The following SLC24A2 variants were observed in gnomAD, a reference collection of about 807,000 sequenced individuals.
SLC24A2 encodes sodium/potassium/calcium exchanger 2.
A neutral mutation model predicts 62.0 loss-of-function variants in SLC24A2; 36 were observed. The ratio of observed to expected loss-of-function variants is 0.58; its 90% confidence interval spans 0.44 to 0.77. SLC24A2 has a LOEUF of 0.77. Among genes scored for constraint, SLC24A2 ranks in the 30% least tolerant of loss-of-function variants. The probability of loss-of-function intolerance (pLI) is 0.00; values close to 1 mark genes in which losing one functional copy is unlikely to be tolerated. For synonymous variants in SLC24A2, 358 were observed against 294.0 expected (o/e 1.22, Z -2.23); for missense variants, 846 against 817.9 (o/e 1.03, Z -0.42).
At chr9:20,296,990 C>A in the SLC24A2 span, among the ~76,000 whole-genome samples, 25,430 of 152,044 alleles carry the variant, frequency 0.17, 2,227 homozygotes, top group South Asian at 0.24. Flanking sequence ...AATGTAAATA[C>A]ATTTATTTTA....
At chr9:19,908,618 T>C in the SLC24A2 span, among the ~76,000 whole-genome samples, 2 of 151,890 alleles carry the variant, frequency 1.3e-5, no homozygotes, top group Non-Finnish European at 2.9e-5. Context: ...GAATCTACAA[T>C]GAACTCAAAC....
the SLC24A2 span, among the ~76,000 whole-genome samples, chr9:19,982,623 C>G: frequency 1.2e-3 from 176 of 152,272 alleles, no homozygotes; most frequent in Non-Finnish European, 2.1e-3. Flanking sequence ...AAAATTAATA[C>G]CAATCATTCT....
the SLC24A2 span, among the ~76,000 whole-genome samples, chr9:20,038,183 C>G: frequency 1.3e-5 from 2 of 152,194 alleles, no homozygotes; most frequent in Non-Finnish European, 2.9e-5. Context: ...AAGTTTCTTG[C>G]ACTTGAATTC....
intron 7 of SLC24A2, among the ~76,000 whole-genome samples, chr9:19,570,367 G>C (rs894500185): frequency 1.3e-5 from 2 of 152,278 alleles, no homozygotes; most frequent in South Asian, 2.1e-4. Flanking sequence ...TCAACACCCA[G>C]CTTGAATGTT....
At chr9:19,769,013 TG>T (rs1822603013) in intron 2 of SLC24A2, among the ~76,000 whole-genome samples, 1 of 152,218 alleles carries the variant, frequency 6.6e-6, no homozygotes, top group South Asian at 2.1e-4. Context: ...TGTCTGAACT[TG>T]TATTTCTAGT....
At chr9:20,154,307 C>CA in the SLC24A2 span, among the ~76,000 whole-genome samples, 1 of 151,782 alleles carries the variant, frequency 6.6e-6, no homozygotes, top group Non-Finnish European at 1.5e-5. Context: ...GGGGAAGTCA[C>CA]ACTGGGTACT....
chr9:20,039,885 T>C, the SLC24A2 span, among the ~76,000 whole-genome samples: 2 of 152,212 alleles, frequency 1.3e-5, no homozygotes, highest in East Asian at 3.9e-4. Flanking sequence ...TAATATTCCT[T>C]CATTTATTCA....
chr9:20,083,600 G>C, the SLC24A2 span, among the ~76,000 whole-genome samples: 5 of 152,316 alleles, frequency 3.3e-5, no homozygotes, highest in South Asian at 1.0e-3. Flanking sequence ...CCAGTGTCTG[G>C]AAATCATTTT....
chr9:19,607,923 G>A (rs1395897515), intron 4 of SLC24A2, among the ~76,000 whole-genome samples: 1 of 152,082 alleles, frequency 6.6e-6, no homozygotes, highest in African/African-American at 2.4e-5. Context: ...GAGAGATTCA[G>A]TTTCAACCAT....
the SLC24A2 span, among the ~76,000 whole-genome samples, chr9:20,031,273 G>A: frequency 1.2e-4 from 18 of 148,118 alleles, no homozygotes; most frequent in Non-Finnish European, 8.9e-5. Flanking sequence ...GTGTGTGTGC[G>A]CATATATATA....
At chr9:20,042,339 T>C in the SLC24A2 span, among the ~76,000 whole-genome samples, 1 of 152,170 alleles carries the variant, frequency 6.6e-6, no homozygotes, top group African/African-American at 2.4e-5. Context: ...CCTGAGGAAC[T>C]CTGGAATATC....
chr9:19,969,595 T>G, the SLC24A2 span, among the ~76,000 whole-genome samples: 1 of 152,172 alleles, frequency 6.6e-6, no homozygotes, highest in African/African-American at 2.4e-5. Context: ...CTACTTCCAG[T>G]GCCTCTTTTT....
chr9:19,638,970 A>G (rs1051461149), intron 2 of SLC24A2, among the ~76,000 whole-genome samples: 3 of 152,256 alleles, frequency 2.0e-5, no homozygotes, highest in African/African-American at 7.2e-5. Flanking sequence ...GCTTAAGGCC[A>G]AGAATTTCAG....
chr9:19,669,443 C>T (rs1168957532), intron 2 of SLC24A2, among the ~76,000 whole-genome samples: 1 of 152,180 alleles, frequency 6.6e-6, no homozygotes, highest in East Asian at 1.9e-4. Flanking sequence ...CAGATATTAG[C>T]TTTTTAAAAT....
chr9:20,234,458 A>C, the SLC24A2 span, among the ~76,000 whole-genome samples: 2 of 151,930 alleles, frequency 1.3e-5, no homozygotes, highest in Admixed American at 1.3e-4. Context: ...CCTTCTCTTC[A>C]CACTTCATTT....
chr9:19,852,956 C>G, the SLC24A2 span, among the ~76,000 whole-genome samples: 2 of 151,924 alleles, frequency 1.3e-5, no homozygotes, highest in Non-Finnish European at 2.9e-5. Context: ...GAGCATGGAG[C>G]GTTTTTCCAT....
At chr9:19,792,845 T>C (rs541014140), upstream of SLC24A2, among the ~76,000 whole-genome samples, 174 of 152,380 alleles carry the variant, frequency 1.1e-3, 1 homozygote, top group African/African-American at 4.0e-3. Context: ...TTCTGACTTA[T>C]TAAAATCTCT....
chr9:19,842,135 C>T, the SLC24A2 span, among the ~76,000 whole-genome samples: 1 of 152,172 alleles, frequency 6.6e-6, no homozygotes, highest in Non-Finnish European at 1.5e-5. Context: ...AGGAAGCATA[C>T]ATATTCTAAA....
At chr9:20,290,818 G>C in the SLC24A2 span, among the ~76,000 whole-genome samples, 4 of 152,226 alleles carry the variant, frequency 2.6e-5, no homozygotes, top group Admixed American at 2.0e-4. Flanking sequence ...GGTTCTTCTG[G>C]GCAAGGGATG....
Sources: allele counts gnomAD v4.1 joint callset (sites outside exome capture counted in the v4.1 genomes callset), GRCh38; gene constraint gnomAD v4.1.1; transcripts MANE v1.5; gene names NCBI Gene and HGNC (gene_info 2026-07-23, HGNC 2026-07-21).